PTGS1: variants seen among roughly 807,000 people sequenced by gnomAD.
PTGS1 encodes prostaglandin G/H synthase 1.
Under a neutral mutation model 63.0 loss-of-function variants are expected in PTGS1, and 40 were observed. The observed-to-expected ratio is 0.63, with a 90% CI of 0.49 to 0.83. The LOEUF (loss-of-function observed/expected upper bound fraction) is 0.83, where lower values mean the gene tolerates loss of function less well. PTGS1 is among the 40% of genes least tolerant of loss of function. The probability of loss-of-function intolerance (pLI) is 0.00; values close to 1 mark genes in which losing one functional copy is unlikely to be tolerated. For missense variants in PTGS1, 709 were observed against 786.5 expected, an observed-to-expected ratio of 0.90 and a Z score of 1.18; for synonymous variants, 298 against 301.9, an observed-to-expected ratio of 0.99 and a Z score of 0.13.
intron 8 of PTGS1, among the ~76,000 whole-genome samples, chr9:122,385,183 G>C (rs4836890): frequency 0.28 from 41,839 of 152,074 alleles, 9,290 homozygotes; most frequent in African/African-American, 0.61. Flanking sequence ...ATCTTGAACT[G>C]CTGACCTCAG....
intron 9 of PTGS1, among the ~76,000 whole-genome samples, chr9:122,389,790 A>G (rs921180873): frequency 1.3e-5 from 2 of 152,028 alleles, no homozygotes; most frequent in Non-Finnish European, 2.9e-5. Context: ...CCTCACCTCT[A>G]CAAAAATAAA....
In PTGS1 at chr9:122,383,626, C is replaced by T; in HGVS notation, c.880C>T (p.Leu294Phe). 4 of 1,614,170 alleles carry T rather than the reference C, an allele frequency of 2.5e-6. No homozygotes were observed. The highest frequency in any genetic ancestry group is 3.4e-6 in the Non-Finnish European group (4 of 1,180,036). The change falls in exon 8 of 11, where the codon CTT becomes TTT. Residue 294 changes from leucine to phenylalanine, a missense_variant. Transcript: ENST00000362012. ...TGTGGGCCAGGAGGTGTTTGGGCTGCTTCCTGGGCTCATGCTGTATGCCAC... is the reference window on the plus strand; with the variant it reads ...TGTGGGCCAGGAGGTGTTTGGGCTGTTTCCTGGGCTCATGCTGTATGCCAC... ...MAVGQEVFGLLPGLMLYATLW... is the reference protein window; with the variant it reads ...MAVGQEVFGLFPGLMLYATLW...
At chr9:122,387,652 C>T (rs1363562660) in intron 9 of PTGS1, among the ~76,000 whole-genome samples, 2 of 152,172 alleles carry the variant, frequency 1.3e-5, no homozygotes, top group Admixed American at 1.3e-4. Flanking sequence ...AGATACCAAC[C>T]CTGCTGACAC....
In PTGS1 at chr9:122,377,983, G is replaced by T. The variant is rs200993905; in HGVS notation, c.179G>T (p.Arg60Leu). ...GACCGCTACCAGTGTGACTGCACCC[G>T]CACGGGCTATTCCGGCCCCAACTGC... ...GLDRYQCDCT[R>L]TGYSGPNCTI... is the part of the protein sequence containing the mutation. Residue 60 changes from arginine to leucine, a missense_variant, in exon 3 of 11, where the codon CGC becomes CTC. Transcript: ENST00000362012. 1.2e-6 allele frequency: 2 copies of T among 1,613,618 alleles called. No individual in the cohort carries two copies. Among genetic ancestry groups the T allele is most frequent in the Non-Finnish European group, 1.7e-6 (2 of 1,180,002 alleles).
chr9:122,370,711 G>A (rs924761955), upstream of PTGS1: 3 of 455,980 alleles, frequency 6.6e-6, no homozygotes, highest in South Asian at 4.1e-5. Flanking sequence ...TCTCTGCGGG[G>A]CAGGGTATGT....
chr9:122,382,586 T>G (rs1348080681), intron 7 of PTGS1, among the ~76,000 whole-genome samples: 1 of 152,184 alleles, frequency 6.6e-6, no homozygotes, highest in East Asian at 1.9e-4. Flanking sequence ...TAAAATAAAT[T>G]AAGTAACATT....
intron 9 of PTGS1, 64 bp from the exon 10 acceptor site, chr9:122,390,134 T>C: frequency 6.4e-7 from 1 of 1,559,866 alleles, no homozygotes; most frequent in Admixed American, 1.9e-5. Context: ...TCCCAGGAAC[T>C]TACCCAGGCT....
At position 122,394,156 on chromosome 9, in the gene PTGS1, G is replaced by A. The variant is rs1377102297; in HGVS notation, c.*1612G>A. 6.6e-6 allele frequency: 1 copy of A among 152,310 alleles called. No individual in the cohort carries two copies. The highest frequency in any genetic ancestry group is 2.4e-5 in the African/African-American group (1 of 41,436). The allele number at this position is 152,310 out of a possible 1,614,324, so 9.4% of individuals were successfully genotyped here. A position where few individuals can be genotyped will look rare whatever the true frequency, so the allele number is the denominator to read the frequency against. ...AGAGACCCAACAGCAGTGATCTCAGGGCAGACAGCCCTCCACTCCAGCTCT... is the reference window on the plus strand; with the variant it reads ...AGAGACCCAACAGCAGTGATCTCAGAGCAGACAGCCCTCCACTCCAGCTCT... On this transcript the variant is annotated 3_prime_UTR_variant, in exon 11 of 11. Transcript: ENST00000362012.
At chr9:122,392,112 C>G in intron 10 of PTGS1, 77 bp from the exon 11 acceptor site, 1 of 1,326,232 alleles carries the variant, frequency 7.5e-7, no homozygotes, top group Non-Finnish European at 1.0e-6. Context: ...AAAGGTGGAC[C>G]TGGAAGGGTC....
chr9:122,385,062 A>G (rs1184115539), intron 8 of PTGS1, among the ~76,000 whole-genome samples: 1 of 152,132 alleles, frequency 6.6e-6, no homozygotes, highest in Non-Finnish European at 1.5e-5. Flanking sequence ...GGTTCGAGCA[A>G]TTCTCGTGTC....
At chr9:122,381,344 T>A in intron 5 of PTGS1, 27 bp from the exon 6 acceptor site, 1 of 1,609,882 alleles carries the variant, frequency 6.2e-7, no homozygotes, top group Non-Finnish European at 8.5e-7. Flanking sequence ...TAGGAGAAGC[T>A]ACTGCTGTTT....
At chr9:122,391,328 ATG>A (rs1174759530) in intron 10 of PTGS1, among the ~76,000 whole-genome samples, 4 of 123,014 alleles carry the variant, frequency 3.3e-5, no homozygotes, top group African/African-American at 1.3e-4. Context: ...ACACATATAT[ATG>A]TGTGTGTATA....
chr9:122,372,581 G>A (rs943422654), intron 2 of PTGS1: 1 of 152,310 alleles, frequency 6.6e-6, no homozygotes, highest in African/African-American at 2.4e-5. Flanking sequence ...CAGTGAGCTG[G>A]TGGTGGGGAG....
intron 5 of PTGS1, among the ~76,000 whole-genome samples, chr9:122,380,622 G>T (rs1214673029): frequency 6.6e-6 from 1 of 152,200 alleles, no homozygotes; most frequent in Non-Finnish European, 1.5e-5. Flanking sequence ...ATCTGTGACT[G>T]CTTTCCCGCT....
At chr9:122,378,620 G>C (rs746374027) in intron 4 of PTGS1, 47 bp downstream of exon 4, 1 of 1,613,136 alleles carries the variant, frequency 6.2e-7, no homozygotes, top group Non-Finnish European at 8.5e-7. Flanking sequence ...AAGCAAGCCT[G>C]CTAGTCCTTT....
intron 2 of PTGS1, chr9:122,371,659 C>A: frequency 2.1e-6 from 3 of 1,439,246 alleles, no homozygotes; most frequent in Non-Finnish European, 2.7e-6. Context: ...AATGAGTTCC[C>A]TTTCTCCAGC....
chr9:122,377,233 G>A (rs1837221506), intron 2 of PTGS1, among the ~76,000 whole-genome samples: 2 of 151,958 alleles, frequency 1.3e-5, no homozygotes, highest in African/African-American at 4.9e-5. Context: ...AGGCTGTGGG[G>A]GTGGAGTGGA....
At chr9:122,388,492 C>G (rs1463500603) in intron 9 of PTGS1, among the ~76,000 whole-genome samples, 1 of 152,204 alleles carries the variant, frequency 6.6e-6, no homozygotes, top group African/African-American at 2.4e-5. Context: ...GGTAGATGCT[C>G]TTCCCTTCCC....
In PTGS1 at chr9:122,395,584, G is replaced by C. The variant is rs1293338747; in HGVS notation, c.*3040G>C. The C allele has an allele frequency of 6.6e-6, 1 of 152,126 alleles. No homozygotes were observed. The highest frequency in any genetic ancestry group is 2.4e-5 in the African/African-American group (1 of 41,420). The allele number at this position is 152,126 out of a possible 1,614,324, so 9.4% of individuals were successfully genotyped here. On this transcript the variant is annotated 3_prime_UTR_variant, in exon 11 of 11. Transcript: ENST00000362012. ...TGGAAAAGAAGAAACTTTGCCTCAA[G>C]ACTATAGCCATCGACTCCTGCCTGA...
Sources: allele counts gnomAD v4.1 joint callset (sites outside exome capture counted in the v4.1 genomes callset), GRCh38; gene constraint gnomAD v4.1.1; transcripts MANE v1.5; gene names NCBI Gene and HGNC (gene_info 2026-07-23, HGNC 2026-07-21).